ASIC2: variants seen among roughly 807,000 people sequenced by gnomAD.
ASIC2 encodes acid-sensing ion channel 2.
In ASIC2, 25 loss-of-function variants were observed where a neutral mutation model predicts 57.3. That is an observed-to-expected ratio of 0.44 (90% CI 0.32 to 0.61). ASIC2 has a LOEUF of 0.61. ASIC2 is among the 20% of genes least tolerant of loss of function. The pLI, the probability that ASIC2 is intolerant of heterozygous loss-of-function variation, is 0.06. For missense variants in ASIC2, 641 were observed against 738.1 expected, an observed-to-expected ratio of 0.87 and a Z score of 1.52; for synonymous variants, 319 against 307.5, an observed-to-expected ratio of 1.04 and a Z score of -0.39.
intron 1 of ASIC2, among the ~76,000 whole-genome samples, chr17:33,549,306 G>A (rs866114236): frequency 7.9e-5 from 12 of 152,078 alleles, no homozygotes; most frequent in Admixed American, 3.3e-4. Context: ...ATCTTAACTC[G>A]TTTTAGGAAC....
At chr17:34,089,859 G>A (rs1280123914) in intron 1 of ASIC2, among the ~76,000 whole-genome samples, 1 of 152,170 alleles carries the variant, frequency 6.6e-6, no homozygotes, top group Non-Finnish European at 1.5e-5. Flanking sequence ...CACTGTTTCA[G>A]ACAGCCCAGC....
At chr17:33,102,246 G>A (rs541772186) in intron 2 of ASIC2, among the ~76,000 whole-genome samples, 23 of 152,314 alleles carry the variant, frequency 1.5e-4, no homozygotes, top group Non-Finnish European at 2.8e-4. Flanking sequence ...GCTGGATATA[G>A]AATTCTATTC....
At chr17:33,517,536 T>C (rs1015690202) in intron 1 of ASIC2, among the ~76,000 whole-genome samples, 3 of 152,060 alleles carry the variant, frequency 2.0e-5, no homozygotes, top group Non-Finnish European at 4.4e-5. Context: ...GAGGTTGCAG[T>C]CAAGATGCCA....
intron 1 of ASIC2, among the ~76,000 whole-genome samples, chr17:33,245,081 C>T (rs1428199762): frequency 2.6e-5 from 4 of 152,184 alleles, no homozygotes; most frequent in Admixed American, 6.5e-5. Context: ...TAGATCATAA[C>T]ATCATCATTA....
At chr17:33,174,379 C>G (rs964235939) in intron 1 of ASIC2, among the ~76,000 whole-genome samples, 4 of 151,062 alleles carry the variant, frequency 2.6e-5, no homozygotes, top group African/African-American at 9.7e-5. Context: ...TGAGATCACA[C>G]CCCTGCACTC....
At chr17:34,155,701 G>A in intron 1 of ASIC2, 4 of 438,684 alleles carry the variant, frequency 9.1e-6, no homozygotes, top group Non-Finnish European at 1.6e-5. Flanking sequence ...CTCTGACTGG[G>A]AGGAAGCCAA....
At chr17:33,809,759 G>T (rs1397411305) in intron 1 of ASIC2, among the ~76,000 whole-genome samples, 3 of 152,208 alleles carry the variant, frequency 2.0e-5, no homozygotes, top group African/African-American at 7.2e-5. Context: ...TGTGGTCTTA[G>T]AATTTTATTT....
intron 1 of ASIC2, among the ~76,000 whole-genome samples, chr17:34,115,188 A>G (rs2142114371): frequency 6.6e-6 from 1 of 152,350 alleles, no homozygotes; most frequent in African/African-American, 2.4e-5. Flanking sequence ...CCAAGTGGAT[A>G]GCACAGTCAT....
At chr17:33,539,235 C>T (rs1000525693) in intron 1 of ASIC2, among the ~76,000 whole-genome samples, 1 of 152,194 alleles carries the variant, frequency 6.6e-6, no homozygotes, top group Admixed American at 6.5e-5. Context: ...TTTAATGGAC[C>T]CCAGATGCTT....
chr17:34,141,482 G>A (rs1016176233), intron 1 of ASIC2, among the ~76,000 whole-genome samples: 1 of 152,116 alleles, frequency 6.6e-6, no homozygotes, highest in African/African-American at 2.4e-5. Context: ...GGCAAACTTT[G>A]GTTATTTTGT....
chr17:33,873,920 A>G (rs146305208), intron 1 of ASIC2, among the ~76,000 whole-genome samples: 4 of 152,322 alleles, frequency 2.6e-5, no homozygotes, highest in African/African-American at 9.6e-5. Flanking sequence ...GAAGGGGCTG[A>G]AACCTATGTC....
intron 2 of ASIC2, among the ~76,000 whole-genome samples, chr17:33,104,444 C>T (rs1421408607): frequency 1.3e-5 from 2 of 152,220 alleles, no homozygotes; most frequent in Non-Finnish European, 1.5e-5. Context: ...ATCCCAATGA[C>T]ATCTGCCTCC....
chr17:34,058,003 C>CA (rs1908832369), intron 1 of ASIC2, among the ~76,000 whole-genome samples: 1 of 152,156 alleles, frequency 6.6e-6, no homozygotes, highest in Admixed American at 6.5e-5. Flanking sequence ...TGTGTGCGTG[C>CA]ACAACTCTAC....
chr17:33,996,034 A>G (rs934792312), intron 1 of ASIC2, among the ~76,000 whole-genome samples: 3 of 152,106 alleles, frequency 2.0e-5, no homozygotes, highest in Non-Finnish European at 4.4e-5. Flanking sequence ...TTTTTATAAT[A>G]TCCATTTTAA....
chr17:33,413,978 G>T (rs1910750278), intron 1 of ASIC2, among the ~76,000 whole-genome samples: 1 of 152,144 alleles, frequency 6.6e-6, no homozygotes, highest in African/African-American at 2.4e-5. Context: ...GGGAAGGCAG[G>T]CAAGTTGCCT....
At chr17:33,342,377 T>C (rs779447447) in intron 1 of ASIC2, among the ~76,000 whole-genome samples, 24 of 152,054 alleles carry the variant, frequency 1.6e-4, no homozygotes, top group Non-Finnish European at 3.2e-4. Flanking sequence ...GACAGACACA[T>C]TTGTGCAGGT....
At chr17:33,170,849 C>G (rs570746044) in intron 1 of ASIC2, among the ~76,000 whole-genome samples, 1 of 152,334 alleles carries the variant, frequency 6.6e-6, no homozygotes, top group Admixed American at 6.5e-5. Context: ...ATCAGGAGCT[C>G]TCTACTTCCT....
At chr17:34,039,923 C>A in intron 1 of ASIC2, 1 of 1,462,360 alleles carries the variant, frequency 6.8e-7, no homozygotes, top group Non-Finnish European at 9.5e-7. Flanking sequence ...CTGGAGGGAC[C>A]CCGACCCGAC....
At chr17:33,049,411 T>C (rs1273812077) in intron 3 of ASIC2, among the ~76,000 whole-genome samples, 3 of 152,208 alleles carry the variant, frequency 2.0e-5, no homozygotes, top group Non-Finnish European at 4.4e-5. Flanking sequence ...GATGCATAAT[T>C]TTCTATATCC....
Sources: gnomAD v4.1 joint callset for allele counts (sites outside exome capture counted in the v4.1 genomes callset) on GRCh38, gnomAD v4.1.1 for gene constraint, MANE v1.5 for transcripts, NCBI Gene and HGNC (gene_info 2026-07-23, HGNC 2026-07-21) for gene names.